Variants in FCSK observed in about 807,000 individuals in gnomAD.
FCSK encodes the protein L-fucose kinase.
FCSK carries 123 observed loss-of-function variants against 122.5 expected under a neutral mutation model. The observed-to-expected ratio is 1.00, with a 90% CI of 0.87 to 1.17. FCSK has a LOEUF of 1.17. FCSK is among the 50% of genes most tolerant of loss of function. FCSK has a pLI of 0.00. For missense variants in FCSK, 1,366 were observed against 1,450.4 expected (o/e 0.94, Z 0.95); for synonymous variants, 620 against 625.5 (o/e 0.99, Z 0.13).
intron 3 of FCSK, among the ~76,000 whole-genome samples, chr16:70,464,614 T>A (rs1482092174): frequency 6.7e-6 from 1 of 150,018 alleles, no homozygotes; most frequent in African/African-American, 2.5e-5. Flanking sequence ...ATCATGCCAT[T>A]GCAGTGAGCT....
intron 7 of FCSK, 57 bp from the exon 8 acceptor site, chr16:70,467,829 C>A: frequency 1.4e-6 from 2 of 1,458,200 alleles, no homozygotes; most frequent in Non-Finnish European, 1.9e-6. Context: ...GTGGCTGTGG[C>A]CTCCTTCCAG....
At position 70,471,054 on chromosome 16, in the gene FCSK, G is replaced by A; in HGVS notation, c.1152G>A (p.Leu384=). 1.9e-6 allele frequency: 3 copies of A among 1,602,120 alleles called. No homozygotes were observed. The highest frequency in any genetic ancestry group is 1.3e-5 in the African/African-American group (1 of 75,000). Residue 384 remains leucine (L), a synonymous_variant, in exon 12 of 24, where the codon CTG becomes CTA. Transcript: ENST00000288078. ...GPVQLGPGSV[L]QHCHLQGPIH... is the part of the protein sequence containing the mutation. ...TCCAGCTGGGTCCTGGGAGCGTCCT[G>A]CAGCACTGCCACCTGCAGGTGAGGC...
chr16:70,475,651 C>T lies in FCSK; in HGVS notation c.2525C>T (p.Thr842Ile). Residue 842 changes from threonine (T) to isoleucine (I), a missense_variant, in exon 20 of 24, where the codon ACC (threonine) becomes ATC (isoleucine). Coordinates refer to ENST00000288078, the MANE Select transcript of FCSK (RefSeq NM_145059.3). ...CTCTCTCCTCTCCGCCCTGCAGGCA[C>T]CAGCAGCATCCTGGCAGGCACTGCC... Reference protein sequence around the residue: ...SELPHGSGLGTSSILAGTALA... With the variant: ...SELPHGSGLGISSILAGTALA... The T allele has an allele frequency of 6.3e-7, 1 of 1,594,574 alleles. No homozygotes were observed. Among genetic ancestry groups the T allele is most frequent in the Non-Finnish European group, 8.6e-7 (1 of 1,168,910 alleles).
At chr16:70,478,109 G>T in intron 20 of FCSK, 163 bp from the exon 21 acceptor site, 1 of 655,272 alleles carries the variant, frequency 1.5e-6, no homozygotes, top group Non-Finnish European at 2.6e-6. Context: ...CCCTTGCTGG[G>T]ATTGTTCTGG....
rs1395262445 is a variant in FCSK, at chr16:70,474,445, C to CG, written c.1989-80dup. ...AGAGGTGGGGCTCCCTTGGGTACCC[C>CG]GGGACAGTCAGGTCCCCAAAGCCAG... On this transcript the variant is annotated intron_variant, in intron 16 of 23. Transcript: ENST00000288078. 3.9e-6 allele frequency: 6 copies of CG among 1,545,098 alleles called. No homozygotes were observed. In the African/African-American group the frequency reaches 4.1e-5, roughly 11 times the overall value.
At chr16:70,465,672 G>T (rs919674190) in intron 4 of FCSK, among the ~76,000 whole-genome samples, 1 of 152,114 alleles carries the variant, frequency 6.6e-6, no homozygotes, top group Admixed American at 6.6e-5. Context: ...TAGGCTGGGC[G>T]CAGTGGCTCA....
Position 70,478,331 on chromosome 16 carries a change from C to T in FCSK, c.2701C>T (p.Arg901Trp), listed in dbSNP as rs17881635. 4.5e-3 allele frequency: 7,188 copies of T among 1,614,184 alleles called. 31 individuals carry two copies. The highest frequency in any genetic ancestry group is 5.0e-3 in the Non-Finnish European group (5,881 of 1,180,040). Reference protein sequence around the residue: ...LMPGIKVGRSRAQLPLKVEVE... With the variant: ...LMPGIKVGRSWAQLPLKVEVE... The stretch of plus-strand genomic sequence containing the variant: ...GCCTGGCATCAAGGTGGGGCGCTCC[C>T]GGGCTCAGCTGCCACTGAAGGTGGA... Residue 901 changes from arginine to tryptophan, a missense_variant, in exon 21 of 24, where the codon CGG becomes TGG. Coordinates refer to ENST00000288078, the MANE Select transcript of FCSK (RefSeq NM_145059.3).
intron 1 of FCSK, among the ~76,000 whole-genome samples, chr16:70,456,175 A>AAAAACAAAAC (rs759564537): frequency 6.6e-6 from 1 of 152,244 alleles, no homozygotes; most frequent in Admixed American, 6.5e-5. Flanking sequence ...CCTGTTTCTC[A>AAAAACAAAAC]AAAACAAAAC....
intron 1 of FCSK, among the ~76,000 whole-genome samples, chr16:70,462,475 G>A (rs530094556): frequency 4.6e-5 from 7 of 152,238 alleles, no homozygotes; most frequent in African/African-American, 1.7e-4. Context: ...ACAGGCACAC[G>A]CCACCACGCC....
intron 16 of FCSK, 83 bp downstream of exon 16, chr16:70,474,422 AG>A: frequency 6.4e-7 from 1 of 1,554,026 alleles, no homozygotes; most frequent in Non-Finnish European, 8.7e-7. Context: ...ACCCAGAGAG[AG>A]GTGGGGCTCC....
At chr16:70,461,144 C>G (rs1223234024) in intron 1 of FCSK, among the ~76,000 whole-genome samples, 1 of 152,192 alleles carries the variant, frequency 6.6e-6, no homozygotes, top group African/African-American at 2.4e-5. Flanking sequence ...CTTCTGGTGG[C>G]AGCAGAGCCT....
At chr16:70,475,080 G>T in intron 18 of FCSK, 69 bp downstream of exon 18, 1 of 1,409,828 alleles carries the variant, frequency 7.1e-7, no homozygotes, top group Non-Finnish European at 9.6e-7. Flanking sequence ...GCTAGAGACT[G>T]CAGGCCAGTG....
At chr16:70,463,491 A>C (rs1490277189) in intron 2 of FCSK, 132 bp from the exon 3 acceptor site, 1 of 1,201,926 alleles carries the variant, frequency 8.3e-7, no homozygotes. Flanking sequence ...AGTTGGGTGA[A>C]GATCTAGTGG....
chr16:70,469,841 T>A (rs1453118550), intron 10 of FCSK, among the ~76,000 whole-genome samples: 1 of 150,632 alleles, frequency 6.6e-6, no homozygotes, highest in East Asian at 1.9e-4. Flanking sequence ...CCCTAACCTG[T>A]CTGCTTTCTT....
At chr16:70,465,065 G>A (rs1442196036) in intron 3 of FCSK, 61 bp from the exon 4 acceptor site, 2 of 1,603,556 alleles carry the variant, frequency 1.2e-6, no homozygotes, top group African/African-American at 2.7e-5. Flanking sequence ...GGATTCGAGG[G>A]TGCCATCCTC....
At chr16:70,472,309 G>A (rs140870119) in intron 13 of FCSK, among the ~76,000 whole-genome samples, 103 of 152,284 alleles carry the variant, frequency 6.8e-4, no homozygotes, top group African/African-American at 2.2e-3. Context: ...TGGGTGTAGT[G>A]GCTCATGCCT....
chr16:70,469,694 T>C (rs2048548756), intron 10 of FCSK, among the ~76,000 whole-genome samples: 1 of 151,866 alleles, frequency 6.6e-6, no homozygotes, highest in African/African-American at 2.4e-5. Flanking sequence ...CCTGGGATAA[T>C]AGCCATGCAT....
intron 13 of FCSK, among the ~76,000 whole-genome samples, chr16:70,471,613 TC>T (rs2048622998): frequency 6.6e-6 from 1 of 152,100 alleles, no homozygotes; most frequent in African/African-American, 2.4e-5. Flanking sequence ...TTGTTTTTTT[TC>T]TGGAGATAGA....
At chr16:70,455,769 G>A (rs997596901) in intron 1 of FCSK, among the ~76,000 whole-genome samples, 3 of 151,838 alleles carry the variant, frequency 2.0e-5, no homozygotes, top group Non-Finnish European at 2.9e-5. Flanking sequence ...GTGCACGTCT[G>A]TAATCCCAGC....
Sources: gnomAD v4.1 joint callset for allele counts (sites outside exome capture counted in the v4.1 genomes callset) on GRCh38, gnomAD v4.1.1 for gene constraint, MANE v1.5 for transcripts, NCBI Gene and HGNC (gene_info 2026-07-23, HGNC 2026-07-21) for gene names.